The following AK9 variants were observed in gnomAD, a reference collection of about 807,000 sequenced individuals.
AK9 encodes the protein adenylate kinase 9.
Under a neutral mutation model 239.6 loss-of-function variants are expected in AK9, and 191 were observed. The observed-to-expected ratio is 0.80, with a 90% CI of 0.71 to 0.90. The LOEUF (loss-of-function observed/expected upper bound fraction) is 0.90, where lower values mean the gene tolerates loss of function less well. Ranked by LOEUF, AK9 falls within the 40% of genes least tolerant of loss-of-function variation. AK9 has a pLI of 0.00. For synonymous variants in AK9, 689 were observed against 721.0 expected, an observed-to-expected ratio of 0.96 and a Z score of 0.71; for missense variants, 1,995 against 2,214.7, an observed-to-expected ratio of 0.90 and a Z score of 1.99.
chr6:109,564,436 A>T (rs906893937), intron 22 of AK9, among the ~76,000 whole-genome samples, 156 bp from the exon 23 acceptor site: 1 of 152,222 alleles, frequency 6.6e-6, no homozygotes, highest in Non-Finnish European at 1.5e-5. Context: ...TAATTTAATT[A>T]TGCTTTGTTC....
At chr6:109,610,649 G>T in intron 16 of AK9, 136 bp from the exon 17 acceptor site, 1 of 986,226 alleles carries the variant, frequency 1.0e-6, no homozygotes, top group Non-Finnish European at 1.5e-6. Flanking sequence ...GTTGGAAGGA[G>T]GGAGAAATAA....
At position 109,674,748 on chromosome 6, in the gene AK9, T is replaced by C. The variant is rs1771452948; in HGVS notation, c.118-487A>G. Among the ~76,000 whole-genome samples the C allele has an allele frequency of 2.0e-5, 3 of 152,336 alleles. No homozygotes were observed. In the South Asian group the frequency reaches 6.2e-4, roughly 32 times the overall value. On this transcript the variant is annotated intron_variant, in intron 2 of 40. Coordinates refer to ENST00000424296, the MANE Select transcript of AK9 (RefSeq NM_001145128.3). ...AAAGGTCGTTTTGATGAAGTAACATTTGTGTCTGGTTGCTTTCACTGTTGA... is the reference window on the plus strand; with the variant it reads ...AAAGGTCGTTTTGATGAAGTAACATCTGTGTCTGGTTGCTTTCACTGTTGA...
At position 109,559,380 on chromosome 6, in the gene AK9, G is replaced by C. The variant is rs556206432; in HGVS notation, c.2751+4217C>G. On this transcript the variant is annotated intron_variant, in intron 24 of 40. Coordinates refer to ENST00000424296, the MANE Select transcript of AK9 (RefSeq NM_001145128.3). ...GATGGGGTTTCACCGTGTTAGCCAG[G>C]ATGGTCTTGATCTCCTAACCTCGTG... Among the ~76,000 whole-genome samples, 112 of 151,846 alleles carry C rather than the reference G, an allele frequency of 7.4e-4. 1 individual carries two copies. Among genetic ancestry groups the C allele is most frequent in the African/African-American group, 2.6e-3 (109 of 41,436 alleles).
chr6:109,577,278 T>C (rs959562194), intron 20 of AK9, among the ~76,000 whole-genome samples: 2 of 152,242 alleles, frequency 1.3e-5, no homozygotes, highest in South Asian at 2.1e-4. Flanking sequence ...TCTGTTTACA[T>C]AGTGTATCAC....
chr6:109,572,472 C>T (rs752900778), intron 21 of AK9, among the ~76,000 whole-genome samples: 1 of 152,038 alleles, frequency 6.6e-6, no homozygotes, highest in East Asian at 1.9e-4. Context: ...ACCTATGGAT[C>T]GTGAGGATGG....
At chr6:109,636,171 T>G (rs1396317192) in intron 10 of AK9, among the ~76,000 whole-genome samples, 1 of 152,054 alleles carries the variant, frequency 6.6e-6, no homozygotes, top group Admixed American at 6.6e-5. Context: ...CTGTCCTTCC[T>G]CCTACTGCAC....
At chr6:109,592,592 G>A (rs1399357221) in intron 17 of AK9, among the ~76,000 whole-genome samples, 1 of 151,708 alleles carries the variant, frequency 6.6e-6, no homozygotes. Flanking sequence ...GACTACAGGC[G>A]CCTGCCACCT....
intron 33 of AK9, among the ~76,000 whole-genome samples, chr6:109,507,457 AATCATTCC>A (rs1778229283): frequency 6.6e-6 from 1 of 152,084 alleles, no homozygotes; most frequent in South Asian, 2.1e-4. Context: ...TTTGAGTGGG[AATCATTCC>A]ATCAGGACCT....
intron 26 of AK9, among the ~76,000 whole-genome samples, chr6:109,543,604 C>T (rs139561360): frequency 0.029 from 4,370 of 151,992 alleles, 98 homozygotes; most frequent in East Asian, 0.11. Context: ...TGTGTCACCA[C>T]GCCTGGCTAA....
chr6:109,524,858 A>G (rs1780278410), intron 29 of AK9, among the ~76,000 whole-genome samples: 2 of 152,294 alleles, frequency 1.3e-5, no homozygotes, highest in East Asian at 1.9e-4. Context: ...GGTTTTTACA[A>G]TATTACATTG....
intron 7 of AK9, among the ~76,000 whole-genome samples, chr6:109,658,600 G>T (rs965849489): frequency 3.3e-5 from 5 of 152,022 alleles, no homozygotes; most frequent in African/African-American, 9.7e-5. Flanking sequence ...AAACTTAGAT[G>T]AAAATAGAAC....
In AK9 at chr6:109,623,906, T is replaced by C. The variant is rs1022638043; in HGVS notation, c.1255-4670A>G. The stretch of plus-strand genomic sequence containing the variant: ...ACACACACACACACACACACACACA[T>C]TTCTTCTCCCACATCCCTCCGTAAG... On this transcript the variant is annotated intron_variant, in intron 12 of 40. Transcript: ENST00000424296. Among the ~76,000 whole-genome samples, 73 of 115,730 alleles carry C rather than the reference T, an allele frequency of 6.3e-4. 1 individual carries two copies. Among genetic ancestry groups the C allele is most frequent in the Non-Finnish European group, 1.1e-3 (58 of 54,420 alleles). 75.9% of individuals were successfully genotyped at this position (115,730 alleles called of 152,430 possible). A position where few individuals can be genotyped will look rare whatever the true frequency, so the allele number is the denominator to read the frequency against.
chr6:109,538,686 G>C (rs1324876038), intron 27 of AK9, among the ~76,000 whole-genome samples: 3 of 152,116 alleles, frequency 2.0e-5, no homozygotes, highest in African/African-American at 7.3e-5. Context: ...AGTTGATGCA[G>C]TTTCTTCCTA....
At chr6:109,578,532 C>T (rs2128205084) in intron 20 of AK9, among the ~76,000 whole-genome samples, 1 of 151,834 alleles carries the variant, frequency 6.6e-6, no homozygotes, top group African/African-American at 2.4e-5. Flanking sequence ...TTTAGTTCTG[C>T]TCTGATCTTC....
Position 109,661,170 on chromosome 6 carries a change from A to G in AK9, c.444+1381T>C, listed in dbSNP as rs566950698. Among the ~76,000 whole-genome samples the G allele has an allele frequency of 1.9e-4, 29 of 152,240 alleles. 1 individual carries two copies. The South Asian group carries it at 2.5e-3, about 13-fold the overall frequency. ...CTGTCTCACATTAAGCCCTCTGATG[A>G]TACTCTGGTTACCCTGTAGAAACTG... On this transcript the variant is annotated intron_variant, in intron 6 of 40. Coordinates refer to ENST00000424296, the MANE Select transcript of AK9 (RefSeq NM_001145128.3).
intron 17 of AK9, among the ~76,000 whole-genome samples, chr6:109,610,012 A>G (rs907773103): frequency 1.3e-5 from 2 of 152,218 alleles, no homozygotes; most frequent in South Asian, 2.1e-4. Context: ...GTCTTGGCTT[A>G]TAACTAATTA....
chr6:109,548,057 A>C (rs1783820465), intron 25 of AK9, among the ~76,000 whole-genome samples: 1 of 152,108 alleles, frequency 6.6e-6, no homozygotes, highest in Admixed American at 6.6e-5. Flanking sequence ...AGACAAAAAA[A>C]ATAGCAAATA....
chr6:109,555,511 T>C (rs1009771683), intron 24 of AK9, among the ~76,000 whole-genome samples: 6 of 152,212 alleles, frequency 3.9e-5, no homozygotes, highest in African/African-American at 1.2e-4. Flanking sequence ...TCGAGTTCTG[T>C]AGATGTCAAC....
intron 5 of AK9, among the ~76,000 whole-genome samples, chr6:109,671,054 G>A (rs1218773141): frequency 6.6e-6 from 1 of 152,026 alleles, no homozygotes; most frequent in Admixed American, 6.6e-5. Flanking sequence ...CTATACACAT[G>A]AGCTATATGA....
Sources: gnomAD v4.1 joint callset for allele counts (sites outside exome capture counted in the v4.1 genomes callset) on GRCh38, gnomAD v4.1.1 for gene constraint, MANE v1.5 for transcripts, NCBI Gene and HGNC (gene_info 2026-07-23, HGNC 2026-07-21) for gene names.